The following SPOCK3 variants were observed in gnomAD, a reference collection of about 807,000 sequenced individuals.
SPOCK3 encodes SPARC (osteonectin), cwcv and kazal like domains proteoglycan 3.
In SPOCK3, 30 loss-of-function variants were observed where a neutral mutation model predicts 56.6. The ratio of observed to expected loss-of-function variants is 0.53; its 90% CI spans 0.40 to 0.72. The LOEUF (loss-of-function observed/expected upper bound fraction) is 0.72, where lower values mean the gene tolerates loss of function less well. Ranked by LOEUF, SPOCK3 falls within the 30% of genes least tolerant of loss-of-function variation. The pLI, the probability that SPOCK3 is intolerant of heterozygous loss-of-function variation, is 0.00. For missense variants in SPOCK3, 527 were observed against 530.0 expected (o/e 0.99, Z 0.06); for synonymous variants, 196 against 183.3 (o/e 1.07, Z -0.56).
intron 2 of SPOCK3, among the ~76,000 whole-genome samples, chr4:167,095,856 A>G (rs1330821338): frequency 6.6e-6 from 1 of 151,926 alleles, no homozygotes; most frequent in Non-Finnish European, 1.5e-5. Context: ...TGACTGTTTT[A>G]TTAGTAAATG....
chr4:166,983,425 T>C (rs1746803057), intron 4 of SPOCK3, among the ~76,000 whole-genome samples: 1 of 152,116 alleles, frequency 6.6e-6, no homozygotes, highest in Admixed American at 6.5e-5. Context: ...AGTGATAACA[T>C]GTCATATTTA....
chr4:167,000,307 G>T, intron 4 of SPOCK3, 42 bp downstream of exon 4: 1 of 949,150 alleles, frequency 1.1e-6, no homozygotes. Context: ...TCCTGGTAAG[G>T]AGCGCTGTTC....
intron 2 of SPOCK3, among the ~76,000 whole-genome samples, chr4:167,201,214 A>G (rs1378427926): frequency 6.6e-6 from 1 of 152,032 alleles, no homozygotes; most frequent in Non-Finnish European, 1.5e-5. Context: ...TGAAAATCAA[A>G]GCTATACTGT....
intron 4 of SPOCK3, among the ~76,000 whole-genome samples, chr4:166,945,580 C>T (rs913037531): frequency 3.9e-5 from 6 of 152,124 alleles, no homozygotes; most frequent in African/African-American, 1.4e-4. Context: ...ATATAGCCAT[C>T]ACCACTTATT....
chr4:166,946,816 TCA>T (rs1741819050), intron 4 of SPOCK3, among the ~76,000 whole-genome samples: 1 of 152,180 alleles, frequency 6.6e-6, no homozygotes, highest in Admixed American at 6.5e-5. Context: ...TTCCGTTTTC[TCA>T]CAGATAGCAC....
chr4:166,966,713 C>T (rs1056125849), intron 4 of SPOCK3, among the ~76,000 whole-genome samples: 1 of 152,034 alleles, frequency 6.6e-6, no homozygotes, highest in Non-Finnish European at 1.5e-5. Context: ...AACATCGCTG[C>T]AAATTTTAAC....
intron 7 of SPOCK3, among the ~76,000 whole-genome samples, chr4:166,766,173 C>T (rs1319796225): frequency 6.6e-6 from 1 of 152,136 alleles, no homozygotes; most frequent in Non-Finnish European, 1.5e-5. Context: ...ATTGAATACC[C>T]TTTATTTCTT....
At chr4:166,769,339 T>G (rs945300111) in intron 7 of SPOCK3, among the ~76,000 whole-genome samples, 1 of 146,496 alleles carries the variant, frequency 6.8e-6, no homozygotes, top group African/African-American at 2.5e-5. Context: ...TGGTCTTTGA[T>G]GATGGTGACG....
chr4:167,062,626 G>T (rs1449834074), intron 2 of SPOCK3, 89 bp from the exon 3 acceptor site: 1 of 988,456 alleles, frequency 1.0e-6, no homozygotes, highest in Non-Finnish European at 1.6e-6. Flanking sequence ...ATGAAACACA[G>T]AAGCTGTATA....
At chr4:166,769,227 G>A (rs1332844011) in intron 7 of SPOCK3, among the ~76,000 whole-genome samples, 1 of 152,148 alleles carries the variant, frequency 6.6e-6, no homozygotes, top group Non-Finnish European at 1.5e-5. Flanking sequence ...CTGTTGCTGG[G>A]GAGGAGCTGC....
At chr4:166,820,632 C>T (rs1200825213) in intron 6 of SPOCK3, among the ~76,000 whole-genome samples, 2 of 151,852 alleles carry the variant, frequency 1.3e-5, no homozygotes, top group African/African-American at 4.8e-5. Context: ...TAAGACCAGC[C>T]TGGGCAACAT....
chr4:167,224,780 C>A (rs1035983442), intron 2 of SPOCK3, among the ~76,000 whole-genome samples: 1 of 151,682 alleles, frequency 6.6e-6, no homozygotes, highest in African/African-American at 2.4e-5. Context: ...TTGCCTCAGC[C>A]TCCCGAGTAG....
At chr4:166,951,182 C>G (rs1390758832) in intron 4 of SPOCK3, among the ~76,000 whole-genome samples, 1 of 143,518 alleles carries the variant, frequency 7.0e-6, no homozygotes, top group Non-Finnish European at 1.5e-5. Flanking sequence ...AATTGATAGA[C>G]TGCTAGCAAG....
chr4:166,799,626 G>A lies in SPOCK3; in HGVS notation c.590-7337C>T, dbSNP rs1742331595. On this transcript the variant is annotated intron_variant, in intron 6 of 10. Coordinates refer to ENST00000357545, the MANE Select transcript of SPOCK3 (RefSeq NM_001040159.2). ...TTCAAACAATTTTCCAAGAATAGAAGGTTGCAAAGACCAACAAGCCTGTAG... is the reference window on the plus strand; with the variant it reads ...TTCAAACAATTTTCCAAGAATAGAAAGTTGCAAAGACCAACAAGCCTGTAG... 2.6e-5 allele frequency among the ~76,000 whole-genome samples: 4 copies of A among 152,050 alleles called. No homozygotes were observed. In the South Asian group the frequency reaches 8.3e-4, roughly 32 times the overall value.
chr4:166,851,782 C>T (rs1345567767), intron 6 of SPOCK3, among the ~76,000 whole-genome samples: 1 of 151,824 alleles, frequency 6.6e-6, no homozygotes, highest in African/African-American at 2.4e-5. Context: ...TTTGACCCAG[C>T]CATCCCATTA....
In SPOCK3 at chr4:166,734,047, ATTAAGAAT is replaced by A. The variant is rs992313105; in HGVS notation, c.*866_*873del. On this transcript the variant is annotated 3_prime_UTR_variant, in exon 11 of 11. Transcript: ENST00000357545. ...ACCTAAAATGGGAAATAAAATGAAA[ATTAAGAAT>A]TTAAAATTTGACCTTGGGGCAAATG... The A allele has an allele frequency of 1.3e-5, 2 of 152,274 alleles. No individual in the cohort carries two copies. Among genetic ancestry groups the A allele is most frequent in the African/African-American group, 2.4e-5 (1 of 41,434 alleles). 9.4% of individuals were successfully genotyped at this position (152,274 alleles called of 1,614,324 possible).
At chr4:166,786,840 C>T (rs1740780184) in intron 7 of SPOCK3, among the ~76,000 whole-genome samples, 1 of 151,536 alleles carries the variant, frequency 6.6e-6, no homozygotes, top group African/African-American at 2.4e-5. Context: ...GCCTTTATTG[C>T]CCTATATTTG....
At chr4:167,149,741 C>A (rs1324628016) in intron 2 of SPOCK3, among the ~76,000 whole-genome samples, 2 of 151,640 alleles carry the variant, frequency 1.3e-5, no homozygotes, top group African/African-American at 4.8e-5. Flanking sequence ...AACAAAATAT[C>A]AAATGTTATT....
intron 7 of SPOCK3, among the ~76,000 whole-genome samples, chr4:166,773,659 G>A (rs1579187722): frequency 6.6e-6 from 1 of 152,184 alleles, no homozygotes; most frequent in African/African-American, 2.4e-5. Context: ...TCACTTCTCA[G>A]CTGATTTTTT....
Sources: gnomAD v4.1 joint callset for allele counts (sites outside exome capture counted in the v4.1 genomes callset) on GRCh38, gnomAD v4.1.1 for gene constraint, MANE v1.5 for transcripts, NCBI Gene and HGNC (gene_info 2026-07-23, HGNC 2026-07-21) for gene names.